The following DOT1L variants were observed in gnomAD, a reference collection of about 807,000 sequenced individuals.
DOT1L encodes histone-lysine N-methyltransferase, H3 lysine-79 specific.
A neutral mutation model predicts 153.3 loss-of-function variants in DOT1L; 33 were observed. That is an observed-to-expected ratio of 0.22 (90% CI 0.16 to 0.29). The LOEUF (loss-of-function observed/expected upper bound fraction) is 0.29, where lower values mean the gene tolerates loss of function less well. Ranked by LOEUF, DOT1L falls within the 10% of genes least tolerant of loss-of-function variation. The pLI, the probability that DOT1L is intolerant of heterozygous loss-of-function variation, is 1.00. For synonymous variants in DOT1L, 1,135 were observed against 965.1 expected, an observed-to-expected ratio of 1.18 and a Z score of -3.26; for missense variants, 1,847 against 2,119.9, an observed-to-expected ratio of 0.87 and a Z score of 2.53.
chr19:2,229,712 C>T, intron 27 of DOT1L, 73 bp from the exon 28 acceptor site: 2 of 1,605,968 alleles, frequency 1.2e-6, no homozygotes, highest in Non-Finnish European at 1.7e-6. Context: ...CGGTCCCCAG[C>T]CTGGGTGAGT....
chr19:2,183,295 C>G (rs534196318), intron 2 of DOT1L, among the ~76,000 whole-genome samples: 1 of 152,166 alleles, frequency 6.6e-6, no homozygotes, highest in African/African-American at 2.4e-5. Context: ...CTCAGCCTCC[C>G]GAGTAGCAGG....
intron 9 of DOT1L, 106 bp downstream of exon 9, chr19:2,202,885 CT>C (rs768642261): frequency 9.7e-5 from 103 of 1,058,236 alleles, no homozygotes; most frequent in Non-Finnish European, 1.5e-4. Flanking sequence ...GACTTGGGGT[CT>C]TCAGTCCCCT....
At chr19:2,189,867 C>A in intron 4 of DOT1L, 72 bp downstream of exon 4, 1 of 1,530,876 alleles carries the variant, frequency 6.5e-7, no homozygotes, top group Non-Finnish European at 9.0e-7. Flanking sequence ...CCCCTTATGT[C>A]ACCGCCTCGG....
Position 2,222,819 on chromosome 19 carries a change from G to C in DOT1L, c.3390+260G>C. ...GAATGATGTGAACCCGGGAGGCGGG[G>C]CTTGCAGTGAACTGAGATCGGCCAC... On this transcript the variant is annotated intron_variant, in intron 24 of 27. Transcript: ENST00000398665. The surrounding 1 kb of genome is among the most constrained non-coding windows in gnomAD (Gnocchi z 6.5). 2.1e-6 allele frequency: 1 copy of C among 483,918 alleles called. No homozygotes were observed. Among genetic ancestry groups the C allele is most frequent in the South Asian group, 3.5e-5 (1 of 28,736 alleles). 30.0% of individuals were successfully genotyped at this position (483,918 alleles called of 1,614,324 possible). A position where few individuals can be genotyped will look rare whatever the true frequency, so the allele number is the denominator to read the frequency against.
Position 2,208,010 on chromosome 19 carries a change from C to T in DOT1L, c.963+330C>T, listed in dbSNP as rs893246027. Among the ~76,000 whole-genome samples the T allele has an allele frequency of 6.6e-6, 1 of 152,144 alleles. No homozygotes were observed. The highest frequency in any genetic ancestry group is 1.5e-5 in the Non-Finnish European group (1 of 68,010). ...TCCCGGCCGCCATATCCAGAGGCCC[C>T]TGTGGATAGGAGTCCCACGTCCCTG... is the stretch of plus-strand genomic sequence containing the variant. On this transcript the variant is annotated intron_variant, in intron 11 of 27. Coordinates refer to ENST00000398665, the MANE Select transcript of DOT1L (RefSeq NM_032482.3). This position sits in a 1 kb window ranked among gnomAD's most constrained non-coding sequence, Gnocchi z 4.4.
In DOT1L at chr19:2,208,835, C is replaced by G. The variant is rs2023603473; in HGVS notation, c.964-100C>G. ...GTCCCCAGATACCAGAACAGCCTCCCCAGCCACTGTCCAGGTTGCTGTTGT... is the reference window on the plus strand; with the variant it reads ...GTCCCCAGATACCAGAACAGCCTCCGCAGCCACTGTCCAGGTTGCTGTTGT... On this transcript the variant is annotated intron_variant, in intron 11 of 27. Coordinates refer to ENST00000398665, the MANE Select transcript of DOT1L (RefSeq NM_032482.3). The surrounding 1 kb of genome is among the most constrained non-coding windows in gnomAD (Gnocchi z 4.4). 3 of 1,264,114 alleles carry G rather than the reference C, an allele frequency of 2.4e-6. No individual in the cohort carries two copies. In the South Asian group the frequency reaches 4.1e-5, roughly 17 times the overall value. 78.3% of individuals were successfully genotyped at this position (1,264,114 alleles called of 1,614,324 possible). A position where few individuals can be genotyped will look rare whatever the true frequency, so the allele number is the denominator to read the frequency against.
chr19:2,207,734 C>A lies in DOT1L; in HGVS notation c.963+54C>A. The stretch of plus-strand genomic sequence containing the variant: ...GGGCCGTCCTGGTCTTCCACCCCGC[C>A]CACGTCACACTGCTCTCTCCTTTCT... On this transcript the variant is annotated intron_variant, in intron 11 of 27. Coordinates refer to ENST00000398665, the MANE Select transcript of DOT1L (RefSeq NM_032482.3). This position sits in a 1 kb window ranked among gnomAD's most constrained non-coding sequence, Gnocchi z 4.5. 6.9e-7 allele frequency: 1 copy of A among 1,451,884 alleles called. No individual in the cohort carries two copies. Among genetic ancestry groups the A allele is most frequent in the Non-Finnish European group, 9.4e-7 (1 of 1,062,916 alleles). The allele number at this position is 1,451,884 out of a possible 1,614,324, so 89.9% of individuals were successfully genotyped here. A position where few individuals can be genotyped will look rare whatever the true frequency, so the allele number is the denominator to read the frequency against.
At chr19:2,194,660 G>A (rs1022537011) in intron 7 of DOT1L, 83 bp downstream of exon 7, 43 of 1,484,486 alleles carry the variant, frequency 2.9e-5, no homozygotes, top group Middle Eastern at 2.3e-4. Flanking sequence ...CTTTCTTGCC[G>A]ATGTTGGCAC....
chr19:2,187,793 G>A (rs1230938362), intron 3 of DOT1L, among the ~76,000 whole-genome samples: 2 of 152,118 alleles, frequency 1.3e-5, no homozygotes, highest in Non-Finnish European at 2.9e-5. Context: ...GTGGTGGCGG[G>A]TGCCTGTAGT....
At chr19:2,198,490 C>G (rs892680825) in intron 7 of DOT1L, among the ~76,000 whole-genome samples, 1 of 152,184 alleles carries the variant, frequency 6.6e-6, no homozygotes, top group Non-Finnish European at 1.5e-5. Context: ...TCCTCCGGGC[C>G]CGGGGGGGTG....
rs1321424068 is a variant in DOT1L, at chr19:2,226,237, G to A, written c.3716G>A (p.Ser1239Asn). 6.4e-7 allele frequency: 1 copy of A among 1,556,878 alleles called. No individual in the cohort carries two copies. Among genetic ancestry groups the A allele is most frequent in the Admixed American group, 1.9e-5 (1 of 52,136 alleles). ...CCCGCCGGCGAGCCAGTCAATAGCA[G>A]CAAGTGGAAGTCCACCTTCTCGCCC... The part of the protein sequence containing the change: ...PAPAGEPVNS[S>N]KWKSTFSPIS... The change falls in exon 27 of 28, where the codon AGC becomes AAC. Residue 1239 changes from serine to asparagine, a missense_variant. Ser to Asn is a conservative substitution (Grantham distance 46, BLOSUM62 1). This residue lies in a region of DOT1L where 934 missense variants were observed against 825.3 expected (regional missense o/e 1.13). Coordinates refer to ENST00000398665, the MANE Select transcript of DOT1L (RefSeq NM_032482.3).
intron 26 of DOT1L, among the ~76,000 whole-genome samples, chr19:2,225,665 G>T (rs1490595901): frequency 6.6e-6 from 1 of 151,754 alleles, no homozygotes; most frequent in Non-Finnish European, 1.5e-5. Flanking sequence ...CCTCTGGGAG[G>T]CCCTCACTGC....
intron 7 of DOT1L, 51 bp downstream of exon 7, chr19:2,194,628 C>T (rs1397210022): frequency 6.4e-7 from 1 of 1,573,418 alleles, no homozygotes; most frequent in Non-Finnish European, 8.7e-7. Flanking sequence ...CACCCCCGCT[C>T]CCACCCTCCT....
rs1173647340 is a variant in DOT1L, at chr19:2,181,442, A to G, written c.125+686A>G. On this transcript the variant is annotated intron_variant, in intron 2 of 27. Transcript: ENST00000398665. ...CAGGCCTGCAGCTGCCATAAGGGCC[A>G]TGCTGAGCTCCTCTTGGCCGGGTGG... Among the ~76,000 whole-genome samples, 4 of 152,242 alleles carry G rather than the reference A, an allele frequency of 2.6e-5. No individual in the cohort carries two copies. The East Asian group carries it at 5.8e-4, about 22-fold the overall frequency.
chr19:2,228,171 C>T lies in DOT1L; in HGVS notation c.4606+1044C>T, dbSNP rs1457619897. On this transcript the variant is annotated intron_variant, in intron 27 of 27. Coordinates refer to ENST00000398665, the MANE Select transcript of DOT1L (RefSeq NM_032482.3). ...GTCTATCAAGCTCACCTCCCTCCCG[C>T]ACAAGGGCGCCCGCCCCTCCTTCAC... is the stretch of plus-strand genomic sequence containing the variant. 4.4e-6 allele frequency: 6 copies of T among 1,364,540 alleles called. No homozygotes were observed. The Middle Eastern group carries it at 6.3e-4, about 143-fold the overall frequency. The allele number at this position is 1,364,540 out of a possible 1,614,324, so 84.5% of individuals were successfully genotyped here.
chr19:2,220,093 G>T lies in DOT1L; in HGVS notation c.2692-15G>T. 2 of 1,593,668 alleles carry T rather than the reference G, an allele frequency of 1.3e-6. No homozygotes were observed. Among genetic ancestry groups the T allele is most frequent in the South Asian group, 1.1e-5 (1 of 89,442 alleles). On this transcript the variant is annotated splice_polypyrimidine_tract_variant and intron_variant, in intron 22 of 27. Coordinates refer to ENST00000398665, the MANE Select transcript of DOT1L (RefSeq NM_032482.3). The surrounding 1 kb of genome is among the most constrained non-coding windows in gnomAD (Gnocchi z 4.5). The stretch of plus-strand genomic sequence containing the variant: ...GCACCTGCTGCCCCTGACACACAGG[G>T]TTTTCTCTCTGCAGAGGAGCACCCC...
chr19:2,228,245 C>T (rs745923409), intron 27 of DOT1L: 7 of 1,362,328 alleles, frequency 5.1e-6, no homozygotes, highest in South Asian at 3.4e-5. Context: ...AGGCCGCGCC[C>T]GGGATCCCAC....
At position 2,204,199 on chromosome 19, in the gene DOT1L, G is replaced by A. The variant is rs949767375; in HGVS notation, c.787+1420G>A. On this transcript the variant is annotated intron_variant, in intron 9 of 27. Transcript: ENST00000398665. The surrounding 1 kb of genome is among the most constrained non-coding windows in gnomAD (Gnocchi z 5.7). Reference sequence around the variant, plus strand: ...CGTGTCTCTGTGTGCGTGCCTGTGCGTGCCTGTGTCTGCATGTCTGTGCCT... The same window carrying A: ...CGTGTCTCTGTGTGCGTGCCTGTGCATGCCTGTGTCTGCATGTCTGTGCCT... 4.0e-5 allele frequency among the ~76,000 whole-genome samples: 6 copies of A among 151,892 alleles called. No individual in the cohort carries two copies. The highest frequency in any genetic ancestry group is 2.1e-4 in the South Asian group (1 of 4,810).
intron 7 of DOT1L, among the ~76,000 whole-genome samples, chr19:2,198,860 A>G (rs887602266): frequency 1.3e-5 from 2 of 152,150 alleles, no homozygotes; most frequent in Admixed American, 1.3e-4. Flanking sequence ...CTCAAGGTGC[A>G]TCCGCGATGT....
Sources: allele counts gnomAD v4.1 joint callset (sites outside exome capture counted in the v4.1 genomes callset), GRCh38; gene constraint gnomAD v4.1.1; regional missense constraint gnomAD v4.1.1; non-coding constraint Gnocchi (gnomAD v3.1); transcripts MANE v1.5; gene names NCBI Gene and HGNC (gene_info 2026-07-23, HGNC 2026-07-21).